The following XRCC1 variants were observed in gnomAD, a reference collection of about 807,000 sequenced individuals.
The protein encoded by XRCC1 is DNA repair protein XRCC1.
XRCC1 carries 52 observed loss-of-function variants against 83.3 expected under a neutral mutation model. That is an observed-to-expected ratio of 0.62 (90% CI 0.50 to 0.79). The LOEUF (loss-of-function observed/expected upper bound fraction) is 0.79. Among genes scored for constraint, XRCC1 ranks in the 30% least tolerant of loss-of-function variants. XRCC1 has a pLI of 0.00. For synonymous variants in XRCC1, 281 were observed against 312.6 expected, an observed-to-expected ratio of 0.90 and a Z score of 1.07; for missense variants, 793 against 823.5, an observed-to-expected ratio of 0.96 and a Z score of 0.45.
At chr19:43,546,767 G>C in intron 11 of XRCC1, 40 bp from the exon 12 acceptor site, 1 of 1,597,062 alleles carries the variant, frequency 6.3e-7, no homozygotes, top group Non-Finnish European at 8.5e-7. Context: ...GGCAGGAACA[G>C]TGTGGGTGTG....
At chr19:43,563,792 C>T (rs1034870681) in intron 2 of XRCC1, among the ~76,000 whole-genome samples, 7 of 152,352 alleles carry the variant, frequency 4.6e-5, no homozygotes, top group Admixed American at 3.9e-4. Context: ...CTCTCTATCT[C>T]CCTACCCGAC....
rs201954068 is a variant in XRCC1 at position 43,552,091 on chromosome 19, G to C, written c.1008C>G (p.Ser336=). The C allele has an allele frequency of 5.8e-5, 93 of 1,614,066 alleles. 1 individual carries two copies. The South Asian group carries it at 7.8e-4, about 14-fold the overall frequency. The change falls in exon 9 of 17, where the codon TCC becomes TCG. Residue 336 remains serine (S), a synonymous_variant. Transcript: ENST00000262887. ...VLSGFQNPFR[S]ELRDKALELG... ...GCTCTAGGGCCTTATCTCGCAGCTC[G>C]GAGCGGAAGGGGTTCTGGAAGCCAC...
chr19:43,552,358 GC>G, intron 8 of XRCC1, 83 bp from the exon 9 acceptor site: 2 of 1,053,890 alleles, frequency 1.9e-6, no homozygotes, highest in Non-Finnish European at 1.4e-6. Context: ...AGCAGTCCAG[GC>G]CCCAGACCCT....
rs762791182 is a variant in XRCC1 at position 43,551,556 on chromosome 19, C to A, written c.1199+15G>T. 1 of 1,602,944 alleles carries A rather than the reference C, an allele frequency of 6.2e-7. No homozygotes were observed. The highest frequency in any genetic ancestry group is 8.5e-7 in the Non-Finnish European group (1 of 1,169,988). Reference sequence around the variant, plus strand: ...AGCACAGGATAAGGAGCAGGGTTGGCGTGTGAGGCCTTACCTCTGGGAGGG... The same window carrying A: ...AGCACAGGATAAGGAGCAGGGTTGGAGTGTGAGGCCTTACCTCTGGGAGGG... On this transcript the variant is annotated intron_variant, in intron 10 of 16. Coordinates refer to ENST00000262887, the MANE Select transcript of XRCC1 (RefSeq NM_006297.3).
intron 2 of XRCC1, among the ~76,000 whole-genome samples, chr19:43,562,880 C>T (rs1008506255): frequency 1.3e-5 from 2 of 152,256 alleles, no homozygotes; most frequent in African/African-American, 4.8e-5. Context: ...CATGTATCTA[C>T]TCTCCTGCAA....
At chr19:43,545,444 C>A (rs182979667) in intron 14 of XRCC1, among the ~76,000 whole-genome samples, 3 of 152,210 alleles carry the variant, frequency 2.0e-5, no homozygotes, top group Non-Finnish European at 4.4e-5. Context: ...GAGAGCAGTG[C>A]CCCTGTCACC....
intron 3 of XRCC1, among the ~76,000 whole-genome samples, chr19:43,557,143 C>A (rs759640720): frequency 3.3e-5 from 5 of 151,626 alleles, no homozygotes; most frequent in African/African-American, 9.7e-5. Context: ...CCCATCTCTA[C>A]TAAAAATACA....
chr19:43,575,048 G>C (rs777446098), intron 1 of XRCC1, 46 bp from the exon 2 acceptor site: 2 of 1,484,968 alleles, frequency 1.3e-6, no homozygotes, highest in Admixed American at 3.4e-5. Flanking sequence ...AGAGATGACA[G>C]CTAGGCCTCC....
chr19:43,553,756 C>G, intron 4 of XRCC1, 73 bp from the exon 5 acceptor site: 1 of 1,285,820 alleles, frequency 7.8e-7, no homozygotes, highest in Non-Finnish European at 1.1e-6. Context: ...CCTTTTCACT[C>G]AGGGAAACCT....
At position 43,546,045 on chromosome 19, in the gene XRCC1, G is replaced by A; in HGVS notation, c.1481+7C>T. 2.5e-6 allele frequency: 4 copies of A among 1,606,538 alleles called. No individual in the cohort carries two copies. The highest frequency in any genetic ancestry group is 3.4e-6 in the Non-Finnish European group (4 of 1,177,350). On this transcript the variant is annotated splice_region_variant and intron_variant, in intron 13 of 16. Transcript: ENST00000262887. ...AGGGACACCCCAACCCCCAGCCCCA[G>A]CCCTACCTCCTCAGCTCATCCTCTG... is the stretch of plus-strand genomic sequence containing the variant.
chr19:43,561,129 C>T (rs1429466988), intron 2 of XRCC1, 109 bp from the exon 3 acceptor site: 6 of 868,606 alleles, frequency 6.9e-6, no homozygotes, highest in Non-Finnish European at 1.2e-5. Flanking sequence ...AATGTCAATT[C>T]TGTGAGGGGG....
chr19:43,543,375 TG>T lies in XRCC1; in HGVS notation c.*16del. ...GTGTGTGTGTGTGTGTGTGTGTGTG[TG>T]TGTATAGCACATACTTCAGGCTTGC... On this transcript the variant is annotated 3_prime_UTR_variant, in exon 17 of 17. Transcript: ENST00000262887. 2 of 1,499,912 alleles carry T rather than the reference TG, an allele frequency of 1.3e-6. No homozygotes were observed. Among genetic ancestry groups the T allele is most frequent in the Non-Finnish European group, 1.8e-6 (2 of 1,084,322 alleles). The allele number at this position is 1,499,912 out of a possible 1,614,324, so 92.9% of individuals were successfully genotyped here.
chr19:43,548,976 G>C (rs1043335539), intron 10 of XRCC1, among the ~76,000 whole-genome samples: 1 of 152,046 alleles, frequency 6.6e-6, no homozygotes, highest in Non-Finnish European at 1.5e-5. Context: ...ACAAATGAAT[G>C]TATTAGCTCC....
chr19:43,552,805 C>T lies in XRCC1; in HGVS notation c.815G>A (p.Arg272Lys), dbSNP rs994664781. 3.1e-6 allele frequency: 5 copies of T among 1,606,192 alleles called. No individual in the cohort carries two copies. In the Admixed American group the frequency reaches 5.2e-5, roughly 17 times the overall value. Residue 272 changes from arginine (R) to lysine (K), a missense_variant, in exon 8 of 17, where the codon AGA (arginine) becomes AAA (lysine). By Grantham distance (26) the Arg-to-Lys change is conservative (BLOSUM62 2). Coordinates refer to ENST00000262887, the MANE Select transcript of XRCC1 (RefSeq NM_006297.3). ...PAQLSPSVPK[R>K]PKLPAPTRTP... ...GGATCTAGTTAGCTCACATTTAGGTCTCTTGGGAACAGATGGCGACAGCTG... is the reference window on the plus strand; with the variant it reads ...GGATCTAGTTAGCTCACATTTAGGTTTCTTGGGAACAGATGGCGACAGCTG...
intron 3 of XRCC1, among the ~76,000 whole-genome samples, chr19:43,558,948 G>T (rs940040941): frequency 2.0e-5 from 3 of 151,642 alleles, no homozygotes; most frequent in African/African-American, 4.8e-5. Context: ...GACCAGCCAG[G>T]CAATGTAGTG....
chr19:43,553,030 A>G lies in XRCC1; in HGVS notation c.663T>C (p.Ala221=), dbSNP rs1456835332. 1.4e-5 allele frequency: 23 copies of G among 1,600,238 alleles called. No individual in the cohort carries two copies. The highest frequency in any genetic ancestry group is 2.0e-5 in the Non-Finnish European group (23 of 1,173,584). Reference sequence around the variant, plus strand: ...TGGAGACTGGAGAGGCTGAGGAGGCAGCACTAGAAGCCTGGAGGGTAGCAG... The same window carrying G: ...TGGAGACTGGAGAGGCTGAGGAGGCGGCACTAGAAGCCTGGAGGGTAGCAG... ...YAAATLQASS[A]ASSASPVSRA... is the part of the protein sequence containing the mutation. Residue 221 remains alanine (A), a synonymous_variant, in exon 7 of 17, where the codon GCT becomes GCC. Transcript: ENST00000262887.
At chr19:43,566,034 A>C (rs3213295) in intron 2 of XRCC1, among the ~76,000 whole-genome samples, 23 of 151,864 alleles carry the variant, frequency 1.5e-4, no homozygotes, top group Non-Finnish European at 2.9e-4. Flanking sequence ...CCAGGAGTTC[A>C]AGACCAGCAT....
rs150760144 is a variant in XRCC1 at position 43,557,714 on chromosome 19, C to A, written c.256-2910G>T. On this transcript the variant is annotated intron_variant, in intron 3 of 16. Transcript: ENST00000262887. ...AGGCTAAGATGGAGAATCGTTTGTA[C>A]CTGGGAGGCGGAGGTTGCAGTGAAC... Among the ~76,000 whole-genome samples the A allele has an allele frequency of 4.4e-3, 633 of 142,282 alleles. 3 individuals carry two copies. Among genetic ancestry groups the A allele is most frequent in the African/African-American group, 0.016 (608 of 38,916 alleles). The allele number at this position is 142,282 out of a possible 152,430, so 93.3% of individuals were successfully genotyped here.
chr19:43,567,268 TAAA>T (rs35436804), intron 2 of XRCC1, among the ~76,000 whole-genome samples: 16 of 143,552 alleles, frequency 1.1e-4, no homozygotes, highest in Admixed American at 2.7e-4. Context: ...GTCAATATGC[TAAA>T]AAAAAAAAAA....
Sources: allele counts gnomAD v4.1 joint callset (sites outside exome capture counted in the v4.1 genomes callset), GRCh38; gene constraint gnomAD v4.1.1; transcripts MANE v1.5; gene names NCBI Gene and HGNC (gene_info 2026-07-23, HGNC 2026-07-21).